The following PRKCE variants were observed in gnomAD, a reference collection of about 807,000 sequenced individuals.
The protein encoded by PRKCE is protein kinase C epsilon, also known as protein kinase C epsilon type.
PRKCE carries 16 observed loss-of-function variants against 85.4 expected under a neutral mutation model. The ratio of observed to expected loss-of-function variants is 0.19; its 90% CI spans 0.13 to 0.28. The LOEUF (loss-of-function observed/expected upper bound fraction) is 0.28. PRKCE is among the 10% of genes least tolerant of loss of function. The pLI is 1.00. For missense variants in PRKCE, 573 were observed against 975.2 expected (o/e 0.59, Z 5.49); for synonymous variants, 388 against 371.5 (o/e 1.04, Z -0.51).
chr2:46,092,261 T>C (rs1233079841), intron 11 of PRKCE, among the ~76,000 whole-genome samples: 1 of 152,234 alleles, frequency 6.6e-6, no homozygotes, highest in African/African-American at 2.4e-5. Flanking sequence ...TTAACATTTG[T>C]CATTTTGAGC....
intron 11 of PRKCE, among the ~76,000 whole-genome samples, chr2:46,108,184 T>A (rs1197831797): frequency 1.3e-5 from 2 of 152,192 alleles, no homozygotes; most frequent in Non-Finnish European, 2.9e-5. Context: ...GCTCTTGGAT[T>A]ATAGGTGTGA....
chr2:45,883,520 C>G (rs1418943844), intron 2 of PRKCE, among the ~76,000 whole-genome samples: 1 of 152,248 alleles, frequency 6.6e-6, no homozygotes, highest in African/African-American at 2.4e-5. Flanking sequence ...CTACCCTTCT[C>G]CGCATGTGCC....
At chr2:46,135,341 A>G (rs911083344) in intron 11 of PRKCE, among the ~76,000 whole-genome samples, 3 of 152,202 alleles carry the variant, frequency 2.0e-5, no homozygotes, top group African/African-American at 4.8e-5. Context: ...CTCAAACAAC[A>G]CAGTGAAGTG....
intron 1 of PRKCE, among the ~76,000 whole-genome samples, chr2:45,702,732 AGT>A: frequency 6.6e-6 from 1 of 152,326 alleles, no homozygotes; most frequent in Non-Finnish European, 1.5e-5. Flanking sequence ...CAGCATATAA[AGT>A]GAATCTAAGA....
chr2:46,143,859 C>T (rs1451802527), intron 11 of PRKCE, among the ~76,000 whole-genome samples: 1 of 152,240 alleles, frequency 6.6e-6, no homozygotes, highest in Non-Finnish European at 1.5e-5. Context: ...GGCTACAATG[C>T]AGGCTGGTCC....
At chr2:46,122,933 A>G (rs1361141623) in intron 11 of PRKCE, among the ~76,000 whole-genome samples, 1 of 137,134 alleles carries the variant, frequency 7.3e-6, no homozygotes, top group Non-Finnish European at 1.5e-5. Context: ...ACTAGTCACC[A>G]TTATAATCAG....
chr2:45,973,674 G>C (rs1702252155), intron 2 of PRKCE, among the ~76,000 whole-genome samples: 1 of 152,202 alleles, frequency 6.6e-6, no homozygotes, highest in Non-Finnish European at 1.5e-5. Context: ...CGCTGAGACA[G>C]CTTTGAAATG....
intron 1 of PRKCE, among the ~76,000 whole-genome samples, chr2:45,683,177 C>T (rs1361169345): frequency 6.6e-6 from 1 of 152,154 alleles, no homozygotes; most frequent in African/African-American, 2.4e-5. Context: ...GTTGATATTC[C>T]TATCACCGCA....
In PRKCE at chr2:46,001,068, C is replaced by T. The variant is rs1288551051; in HGVS notation, c.824-336C>T. 6.6e-6 allele frequency: 1 copy of T among 152,364 alleles called. No individual in the cohort carries two copies. Among genetic ancestry groups the T allele is most frequent in the African/African-American group, 2.4e-5 (1 of 41,404 alleles). The allele number at this position is 152,364 out of a possible 1,614,324, so 9.4% of individuals were successfully genotyped here. A position where few individuals can be genotyped will look rare whatever the true frequency, so the allele number is the denominator to read the frequency against. ...GTGAAGAGGGAAAAGCAAAGGAATT[C>T]ATTGAATTCAGACTGGAGATCTGAA... On this transcript the variant is annotated intron_variant, in intron 6 of 14. Coordinates refer to ENST00000306156, the MANE Select transcript of PRKCE (RefSeq NM_005400.3). This position sits in a 1 kb window ranked among gnomAD's most constrained non-coding sequence, Gnocchi z 4.4.
chr2:45,749,301 A>T (rs1254124544), intron 1 of PRKCE, among the ~76,000 whole-genome samples: 1 of 152,238 alleles, frequency 6.6e-6, no homozygotes, highest in Non-Finnish European at 1.5e-5. Context: ...ATTTAGGAAG[A>T]ATAAATGCTA....
rs527333525 is a variant in PRKCE, at chr2:45,731,202, T to A, written c.348+78754T>A. 2.6e-5 allele frequency among the ~76,000 whole-genome samples: 4 copies of A among 152,264 alleles called. No individual in the cohort carries two copies. The East Asian group carries it at 7.7e-4, about 29-fold the overall frequency. On this transcript the variant is annotated intron_variant, in intron 1 of 14. Transcript: ENST00000306156. ...AGAGGAAGATGGTTATTACAGCTAG[T>A]GTCAGGAGAGCAAGGGGTGTCTTAA...
At chr2:45,911,342 C>A (rs562448131) in intron 2 of PRKCE, among the ~76,000 whole-genome samples, 1 of 152,332 alleles carries the variant, frequency 6.6e-6, no homozygotes, top group South Asian at 2.1e-4. Context: ...CAGGGCTAGA[C>A]AGCATGTGCA....
At chr2:46,070,659 CA>C (rs1374026717) in intron 10 of PRKCE, among the ~76,000 whole-genome samples, 1 of 151,134 alleles carries the variant, frequency 6.6e-6, no homozygotes, top group African/African-American at 2.4e-5. Context: ...AAAACAAAAA[CA>C]AAAACAAAGG....
intron 14 of PRKCE, among the ~76,000 whole-genome samples, chr2:46,182,748 G>A (rs191567525): frequency 1.2e-3 from 177 of 152,264 alleles, no homozygotes; most frequent in East Asian, 3.7e-3. Flanking sequence ...CAGCTCACCC[G>A]GCCCACGTTA....
In PRKCE at chr2:45,897,492, T is replaced by C. The variant is rs144798581; in HGVS notation, c.412+54429T>C. Among the ~76,000 whole-genome samples the C allele has an allele frequency of 5.9e-3, 902 of 152,320 alleles. 11 individuals carry two copies. The highest frequency in any genetic ancestry group is 0.021 in the African/African-American group (867 of 41,568). On this transcript the variant is annotated intron_variant, in intron 2 of 14. Coordinates refer to ENST00000306156, the MANE Select transcript of PRKCE (RefSeq NM_005400.3). Reference sequence around the variant, plus strand: ...TTTATTTTTAAAATTTGAAGAAAGTTTATGTAGGTCAAATGGATGAAAGAA... The same window carrying C: ...TTTATTTTTAAAATTTGAAGAAAGTCTATGTAGGTCAAATGGATGAAAGAA...
At chr2:45,991,679 G>A (rs1368118178) in intron 6 of PRKCE, among the ~76,000 whole-genome samples, 1 of 152,352 alleles carries the variant, frequency 6.6e-6, no homozygotes, top group African/African-American at 2.4e-5. Flanking sequence ...ATGCATATGT[G>A]TGAATAATTA....
At chr2:45,695,115 A>G (rs1426846658) in intron 1 of PRKCE, among the ~76,000 whole-genome samples, 2 of 152,264 alleles carry the variant, frequency 1.3e-5, no homozygotes, top group Non-Finnish European at 2.9e-5. Context: ...AGCAGCTTGG[A>G]TGTATTCCTT....
At chr2:45,787,691 G>A (rs779337598) in intron 1 of PRKCE, among the ~76,000 whole-genome samples, 2 of 152,156 alleles carry the variant, frequency 1.3e-5, no homozygotes, top group Non-Finnish European at 1.5e-5. Context: ...TATTGAAAAC[G>A]ACAAGGCTTA....
chr2:45,735,759 G>A (rs984077801), intron 1 of PRKCE, among the ~76,000 whole-genome samples: 8 of 152,318 alleles, frequency 5.3e-5, no homozygotes, highest in South Asian at 4.1e-4. Context: ...AATGAGGAAG[G>A]CAAGCCGGAT....
Sources: allele counts gnomAD v4.1 joint callset (sites outside exome capture counted in the v4.1 genomes callset), GRCh38; gene constraint gnomAD v4.1.1; non-coding constraint Gnocchi (gnomAD v3.1); transcripts MANE v1.5; gene names NCBI Gene and HGNC (gene_info 2026-07-23, HGNC 2026-07-21).